PHACTR1: variants seen among roughly 807,000 people sequenced by gnomAD.
The protein encoded by PHACTR1 is phosphatase and actin regulator 1, also known as RPEL repeat containing 1.
A neutral mutation model predicts 69.2 loss-of-function variants in PHACTR1; 16 were observed. The ratio of observed to expected loss-of-function variants is 0.23; its 90% CI spans 0.16 to 0.35. The LOEUF (loss-of-function observed/expected upper bound fraction) is 0.35, where lower values mean the gene tolerates loss of function less well. Among genes scored for constraint, PHACTR1 ranks in the 10% least tolerant of loss-of-function variants. PHACTR1 has a pLI of 1.00. For missense variants in PHACTR1, 510 were observed against 734.7 expected (o/e 0.69, Z 3.54); for synonymous variants, 312 against 284.5 (o/e 1.10, Z -0.97).
At chr6:12,780,046 A>G (rs1561874907) in intron 4 of PHACTR1, among the ~76,000 whole-genome samples, 1 of 152,212 alleles carries the variant, frequency 6.6e-6, no homozygotes, top group Non-Finnish European at 1.5e-5. Flanking sequence ...AGAGAAATGT[A>G]TTAAGAACTT....
chr6:13,175,387 T>C (rs925409987), intron 6 of PHACTR1, among the ~76,000 whole-genome samples: 3 of 152,182 alleles, frequency 2.0e-5, no homozygotes, highest in Admixed American at 2.0e-4. Flanking sequence ...CACAGTCCTT[T>C]TCTTTTCAAG....
chr6:12,742,278 C>T (rs1047554940), intron 3 of PHACTR1, among the ~76,000 whole-genome samples: 1 of 152,104 alleles, frequency 6.6e-6, no homozygotes, highest in Non-Finnish European at 1.5e-5. Flanking sequence ...GTTCCCAGAG[C>T]TTAGGGTTCC....
intron 5 of PHACTR1, among the ~76,000 whole-genome samples, chr6:13,106,044 G>A (rs1217502819): frequency 6.6e-6 from 1 of 152,146 alleles, no homozygotes; most frequent in Admixed American, 6.5e-5. Context: ...ACTACTTGTG[G>A]CAACAGCAAA....
At chr6:12,895,941 T>C (rs2127474941) in intron 4 of PHACTR1, among the ~76,000 whole-genome samples, 1 of 152,288 alleles carries the variant, frequency 6.6e-6, no homozygotes. Context: ...GAGACCTCAT[T>C]ATAGTACTTG....
intron 4 of PHACTR1, among the ~76,000 whole-genome samples, chr6:12,836,978 C>G (rs552628671): frequency 6.6e-6 from 1 of 152,126 alleles, no homozygotes. Context: ...GCCCCTCCCC[C>G]TCTATGTTCC....
chr6:13,173,977 G>A (rs1013279406), intron 6 of PHACTR1, among the ~76,000 whole-genome samples: 1 of 152,160 alleles, frequency 6.6e-6, no homozygotes, highest in Non-Finnish European at 1.5e-5. Flanking sequence ...AAAGTGCTGG[G>A]ATAACAAGCG....
chr6:12,973,775 G>A (rs1432168238), intron 4 of PHACTR1, among the ~76,000 whole-genome samples: 4 of 152,128 alleles, frequency 2.6e-5, no homozygotes, highest in African/African-American at 9.7e-5. Context: ...CCAAAGGCAC[G>A]CTGCAAAGAA....
At chr6:13,132,435 G>C (rs986921079) in intron 5 of PHACTR1, among the ~76,000 whole-genome samples, 4 of 151,990 alleles carry the variant, frequency 2.6e-5, no homozygotes, top group Admixed American at 6.6e-5. Flanking sequence ...GCAGACACCC[G>C]TGCTCTCCCA....
At chr6:12,862,710 GA>G (rs1253789195) in intron 4 of PHACTR1, among the ~76,000 whole-genome samples, 2 of 151,640 alleles carry the variant, frequency 1.3e-5, no homozygotes, top group Non-Finnish European at 2.9e-5. Context: ...AAAGGAAACT[GA>G]AAAAAAAGCA....
In PHACTR1 at chr6:13,227,873, T is replaced by G; in HGVS notation, c.1044T>G (p.Gly348=). ...TSYHSSGLHS[G]DGVTKAGPMG... Reference sequence around the variant, plus strand: ...ACCACAGCTCTGGGTTGCACTCGGGTGATGGGGTCACCAAAGCAGGACCTA... The same window carrying G: ...ACCACAGCTCTGGGTTGCACTCGGGGGATGGGGTCACCAAAGCAGGACCTA... Residue 348 remains glycine (G), a synonymous_variant, in exon 9 of 15, where the codon GGT becomes GGG. Coordinates refer to ENST00000332995, the MANE Select transcript of PHACTR1 (RefSeq NM_030948.6). The G allele has an allele frequency of 6.8e-6, 11 of 1,613,936 alleles. No individual in the cohort carries two copies. Among genetic ancestry groups the G allele is most frequent in the Non-Finnish European group, 9.3e-6 (11 of 1,179,860 alleles).
At chr6:12,858,297 G>A (rs571605134) in intron 4 of PHACTR1, among the ~76,000 whole-genome samples, 12 of 152,222 alleles carry the variant, frequency 7.9e-5, no homozygotes, top group South Asian at 4.1e-4. Flanking sequence ...GGAGGCTGAC[G>A]CTTGCTGATT....
chr6:12,765,279 A>G (rs1768470192), intron 4 of PHACTR1, among the ~76,000 whole-genome samples: 1 of 152,216 alleles, frequency 6.6e-6, no homozygotes, highest in South Asian at 2.1e-4. Context: ...CTATGTACGC[A>G]ATACAAGTTA....
In PHACTR1 at chr6:12,946,784, A is replaced by G. The variant is rs73364138; in HGVS notation, c.251-106581A>G. 6.9e-3 allele frequency among the ~76,000 whole-genome samples: 1,046 copies of G among 150,838 alleles called. 13 individuals carry two copies. Among genetic ancestry groups the G allele is most frequent in the African/African-American group, 0.024 (969 of 40,890 alleles). ...CAGAGTCAAAAGAAGCATTACACAT[A>G]CAGTGCAATGATGGTGCTGGATTTT... On this transcript the variant is annotated intron_variant, in intron 4 of 14. Transcript: ENST00000332995.
rs571740880 is a variant in PHACTR1, at chr6:13,268,094, G to A, written c.1392-4766G>A. 3.9e-5 allele frequency among the ~76,000 whole-genome samples: 6 copies of A among 151,998 alleles called. No individual in the cohort carries two copies. The East Asian group carries it at 9.7e-4, about 25-fold the overall frequency. On this transcript the variant is annotated intron_variant, in intron 10 of 14. Coordinates refer to ENST00000332995, the MANE Select transcript of PHACTR1 (RefSeq NM_030948.6). Reference sequence around the variant, plus strand: ...CTAGCCTGGCCAACGTGGTGAAACCGCATGTCTACTAAAAATACAAAAATT... The same window carrying A: ...CTAGCCTGGCCAACGTGGTGAAACCACATGTCTACTAAAAATACAAAAATT...
chr6:13,247,623 G>GGT (rs1773766553), intron 10 of PHACTR1, among the ~76,000 whole-genome samples: 2 of 152,248 alleles, frequency 1.3e-5, no homozygotes, highest in South Asian at 4.1e-4. Flanking sequence ...TGGGATTACA[G>GGT]GTGTGAGCCA....
At chr6:12,909,227 G>C (rs1234204911) in intron 4 of PHACTR1, among the ~76,000 whole-genome samples, 1 of 152,108 alleles carries the variant, frequency 6.6e-6, no homozygotes, top group African/African-American at 2.4e-5. Context: ...CCCACCATTT[G>C]GTTACATGTT....
Position 12,718,678 on chromosome 6 carries a change from A to AT in PHACTR1, c.-46-12dup, listed in dbSNP as rs199901541. On this transcript the variant is annotated intron_variant, in intron 2 of 14. Coordinates refer to ENST00000332995, the MANE Select transcript of PHACTR1 (RefSeq NM_030948.6). ...ATACTTGACGTCTAAAATATTGTGG[A>AT]TTTTTTTTTCCTCTTTATAGGTGTT... 962 of 752,480 alleles carry AT rather than the reference A, an allele frequency of 1.3e-3. 1 individual carries two copies. The highest frequency in any genetic ancestry group is 7.1e-3 in the South Asian group (297 of 41,726). 46.6% of individuals were successfully genotyped at this position (752,480 alleles called of 1,614,324 possible). A position where few individuals can be genotyped will look rare whatever the true frequency, so the allele number is the denominator to read the frequency against.
intron 3 of PHACTR1, among the ~76,000 whole-genome samples, chr6:12,734,075 C>G (rs954167344): frequency 6.6e-6 from 1 of 152,192 alleles, no homozygotes; most frequent in Non-Finnish European, 1.5e-5. Flanking sequence ...CCCCTCTGCA[C>G]AGTGTCTACT....
intron 4 of PHACTR1, among the ~76,000 whole-genome samples, chr6:12,753,943 A>AATATATATATATAT (rs775836853): frequency 2.3e-5 from 2 of 86,272 alleles, no homozygotes; most frequent in Non-Finnish European, 4.4e-5. Flanking sequence ...GCAAGTTGTA[A>AATATATATATATAT]ATATATATAT....
Sources: gnomAD v4.1 joint callset for allele counts (sites outside exome capture counted in the v4.1 genomes callset) on GRCh38, gnomAD v4.1.1 for gene constraint, MANE v1.5 for transcripts, NCBI Gene and HGNC (gene_info 2026-07-23, HGNC 2026-07-21) for gene names.